The following STPG2 variants were observed in gnomAD, a reference collection of about 807,000 sequenced individuals.
The protein encoded by STPG2 is sperm-tail PG-rich repeat-containing protein 2.
Under a neutral mutation model 54.2 loss-of-function variants are expected in STPG2, and 56 were observed. That is an observed-to-expected ratio of 1.03 (90% CI 0.83 to 1.29). STPG2 has a LOEUF of 1.29. Among genes scored for constraint, STPG2 ranks in the 50% most tolerant of loss-of-function variants. The pLI is 0.00. For synonymous variants in STPG2, 200 were observed against 181.8 expected (o/e 1.10, Z -0.81); for missense variants, 596 against 544.9 (o/e 1.09, Z -0.93).
chr4:97,829,588 G>A (rs1194629179), intron 9 of STPG2, among the ~76,000 whole-genome samples: 2 of 152,140 alleles, frequency 1.3e-5, no homozygotes, highest in African/African-American at 4.8e-5. Flanking sequence ...AGCTAAAGGA[G>A]CATGTTCTAA....
At chr4:97,726,590 G>A (rs1251117583) in intron 9 of STPG2, among the ~76,000 whole-genome samples, 1 of 151,922 alleles carries the variant, frequency 6.6e-6, no homozygotes, top group African/African-American at 2.4e-5. Context: ...TGATTCTTAT[G>A]CCAAAATATT....
chr4:98,039,481 A>G (rs1172963938), intron 5 of STPG2, among the ~76,000 whole-genome samples: 2 of 95,580 alleles, frequency 2.1e-5, no homozygotes, highest in African/African-American at 8.4e-5. Flanking sequence ...ATATATATAT[A>G]TACAAGAAAT....
chr4:97,869,395 A>C (rs901510959), intron 8 of STPG2, among the ~76,000 whole-genome samples: 1 of 151,718 alleles, frequency 6.6e-6, no homozygotes, highest in African/African-American at 2.4e-5. Flanking sequence ...GCCCAGGTAG[A>C]CTAACTATTT....
intron 5 of STPG2, among the ~76,000 whole-genome samples, chr4:98,062,816 T>C (rs1222124964): frequency 6.6e-6 from 1 of 152,106 alleles, no homozygotes; most frequent in Non-Finnish European, 1.5e-5. Flanking sequence ...CAAGCATCCA[T>C]TGGATATTAA....
At chr4:97,503,490 A>G in intron 4 of STPG2, among the ~76,000 whole-genome samples, 1 of 151,632 alleles carries the variant, frequency 6.6e-6, no homozygotes, top group South Asian at 2.1e-4. Context: ...GTATTTCCTT[A>G]TATGTGTTTA....
At chr4:97,501,787 A>G (rs749773704) in intron 4 of STPG2, among the ~76,000 whole-genome samples, 2 of 152,042 alleles carry the variant, frequency 1.3e-5, no homozygotes, top group Non-Finnish European at 2.9e-5. Flanking sequence ...AACTAAAAGC[A>G]TACTCTAGAG....
chr4:97,757,064 C>A (rs540608752), intron 9 of STPG2, among the ~76,000 whole-genome samples: 2 of 152,194 alleles, frequency 1.3e-5, no homozygotes. Flanking sequence ...CTGAACTTCC[C>A]TTCAAGCAGT....
chr4:97,716,628 T>C (rs1724295986), intron 9 of STPG2, among the ~76,000 whole-genome samples: 1 of 146,832 alleles, frequency 6.8e-6, no homozygotes, highest in Non-Finnish European at 1.5e-5. Context: ...ATGTTTTCAC[T>C]CAGAAGTGGG....
intron 5 of STPG2, among the ~76,000 whole-genome samples, chr4:98,081,302 C>A (rs1179558123): frequency 2.6e-5 from 4 of 152,040 alleles, no homozygotes. Flanking sequence ...TGATAGTAAT[C>A]CCTGGCTGAC....
At chr4:98,033,719 C>T (rs948449402) in intron 5 of STPG2, among the ~76,000 whole-genome samples, 4 of 152,056 alleles carry the variant, frequency 2.6e-5, no homozygotes, top group Admixed American at 1.3e-4. Flanking sequence ...ACTGGCAAAC[C>T]GAATCCAGTA....
chr4:97,873,709 G>A (rs1730071867), intron 8 of STPG2, among the ~76,000 whole-genome samples: 1 of 151,348 alleles, frequency 6.6e-6, no homozygotes, highest in Non-Finnish European at 1.5e-5. Flanking sequence ...CCCAGAGACA[G>A]AAACAGAAAC....
chr4:97,507,828 A>G (rs1338551906), intron 4 of STPG2, among the ~76,000 whole-genome samples: 1 of 152,092 alleles, frequency 6.6e-6, no homozygotes, highest in South Asian at 2.1e-4. Flanking sequence ...AGGGCATGTT[A>G]CCATTGCCAC....
chr4:97,805,975 C>T (rs1279565627), intron 9 of STPG2, among the ~76,000 whole-genome samples: 4 of 152,074 alleles, frequency 2.6e-5, no homozygotes, highest in Non-Finnish European at 5.9e-5. Context: ...TTAGCACTAC[C>T]GTTTGACACA....
intron 9 of STPG2, among the ~76,000 whole-genome samples, chr4:97,785,798 A>T (rs1726803510): frequency 6.6e-6 from 1 of 152,016 alleles, no homozygotes; most frequent in Non-Finnish European, 1.5e-5. Context: ...AGAAAACTCA[A>T]TAGGCATAAT....
chr4:97,912,162 A>G (rs1173418633), intron 8 of STPG2, among the ~76,000 whole-genome samples: 1 of 152,190 alleles, frequency 6.6e-6, no homozygotes, highest in Non-Finnish European at 1.5e-5. Flanking sequence ...AAACATTCAA[A>G]GATCAGCAAC....
At chr4:97,766,262 T>C (rs1017225593) in intron 9 of STPG2, among the ~76,000 whole-genome samples, 2 of 152,112 alleles carry the variant, frequency 1.3e-5, no homozygotes, top group African/African-American at 2.4e-5. Context: ...CCATTGTGAA[T>C]AGTAATTGGC....
intron 8 of STPG2, among the ~76,000 whole-genome samples, chr4:97,877,167 C>T (rs958910953): frequency 6.6e-6 from 1 of 152,078 alleles, no homozygotes; most frequent in South Asian, 2.1e-4. Flanking sequence ...CATGCAGTTC[C>T]TCCAGTCTAA....
intron 10 of STPG2, among the ~76,000 whole-genome samples, chr4:97,675,535 C>A (rs1288342053): frequency 6.6e-6 from 1 of 152,028 alleles, no homozygotes; most frequent in Non-Finnish European, 1.5e-5. Flanking sequence ...GCAACATATT[C>A]CAAATTTGAA....
Position 97,700,586 on chromosome 4 carries a change from C to T in STPG2, c.1320+12113G>A, listed in dbSNP as rs796665899. ...CCCATTTTCTGGCATGCAAGTGTCT[C>T]ACCAATAAGTCCAGTGTGTTTCCTA... On this transcript the variant is annotated intron_variant, in intron 10 of 10. Coordinates refer to ENST00000295268, the MANE Select transcript of STPG2 (RefSeq NM_174952.3). Among the ~76,000 whole-genome samples, 8 of 152,332 alleles carry T rather than the reference C, an allele frequency of 5.3e-5. No homozygotes were observed. The South Asian group carries it at 1.7e-3, about 32-fold the overall frequency.
Sources: allele counts gnomAD v4.1 joint callset (sites outside exome capture counted in the v4.1 genomes callset), GRCh38; gene constraint gnomAD v4.1.1; transcripts MANE v1.5; gene names NCBI Gene and HGNC (gene_info 2026-07-23, HGNC 2026-07-21).